The following ABCA13 variants were observed in gnomAD, a reference collection of about 807,000 sequenced individuals.
ABCA13 encodes the protein ATP-binding cassette sub-family A member 13.
Under a neutral mutation model 478.7 loss-of-function variants are expected in ABCA13, and 476 were observed. The observed-to-expected ratio is 0.99, with a 90% CI of 0.92 to 1.07. ABCA13 has a LOEUF of 1.07. Among genes scored for constraint, ABCA13 ranks in the 50% least tolerant of loss-of-function variants. The pLI is 0.00. For synonymous variants in ABCA13, 2,252 were observed against 2,158.9 expected, an observed-to-expected ratio of 1.04 and a Z score of -1.20; for missense variants, 6,060 against 5,910.6, an observed-to-expected ratio of 1.03 and a Z score of -0.83.
intron 58 of ABCA13, among the ~76,000 whole-genome samples, chr7:48,606,499 G>T (rs1791479071): frequency 1.3e-5 from 2 of 151,886 alleles, no homozygotes; most frequent in South Asian, 4.1e-4. Flanking sequence ...GCTGGAGTTT[G>T]CTGGAGATCC....
intron 7 of ABCA13, among the ~76,000 whole-genome samples, chr7:48,233,408 G>C (rs989731874): frequency 6.6e-6 from 1 of 152,106 alleles, no homozygotes; most frequent in Admixed American, 6.5e-5. Context: ...GTCATACCTT[G>C]GGGGTCTTCG....
At chr7:48,299,107 G>A (rs1799797993) in intron 23 of ABCA13, among the ~76,000 whole-genome samples, 1 of 152,160 alleles carries the variant, frequency 6.6e-6, no homozygotes, top group Non-Finnish European at 1.5e-5. Flanking sequence ...GACATCTCAT[G>A]TTTTCCACAG....
At chr7:48,523,523 G>A (rs1474899707) in intron 53 of ABCA13, among the ~76,000 whole-genome samples, 2 of 151,492 alleles carry the variant, frequency 1.3e-5, no homozygotes, top group Non-Finnish European at 1.5e-5. Flanking sequence ...AATTGATGTT[G>A]GTTATGATAC....
intron 15 of ABCA13, among the ~76,000 whole-genome samples, chr7:48,253,176 G>T (rs1171447659): frequency 6.6e-6 from 1 of 152,162 alleles, no homozygotes; most frequent in Non-Finnish European, 1.5e-5. Flanking sequence ...GCCGCCTGCA[G>T]GTCTGCAGAC....
chr7:48,375,088 C>T (rs1196960744), intron 34 of ABCA13, among the ~76,000 whole-genome samples: 1 of 152,166 alleles, frequency 6.6e-6, no homozygotes, highest in Non-Finnish European at 1.5e-5. Context: ...GCTCAGGGCT[C>T]CCCGTGATTC....
Position 48,272,531 on chromosome 7 carries a change from C to G in ABCA13, c.2865C>G (p.Asp955Glu), listed in dbSNP as rs1436060000. The change falls in exon 17 of 62, where the codon GAC becomes GAG. Residue 955 changes from aspartate (D) to glutamate (E), a missense_variant. Physicochemically the swap from Asp to Glu is conservative, Grantham distance 45. Transcript: ENST00000435803. ...ACATACACCTAAATGTCTTCCAGGA[C>G]AAGGATTCAGCTTTACTTCTGCAAA... is the stretch of plus-strand genomic sequence containing the variant. ...LTHIHLNVFQ[D>E]KDSALLLQIY... The G allele has an allele frequency of 6.2e-7, 1 of 1,613,762 alleles. No individual in the cohort carries two copies.
intron 27 of ABCA13, among the ~76,000 whole-genome samples, chr7:48,326,717 A>G (rs1428306069): frequency 2.0e-5 from 3 of 152,158 alleles, no homozygotes; most frequent in African/African-American, 7.2e-5. Context: ...TTTTTCTGTT[A>G]TATTTTACTG....
At chr7:48,286,469 T>A (rs1283540547) in intron 19 of ABCA13, among the ~76,000 whole-genome samples, 1 of 149,844 alleles carries the variant, frequency 6.7e-6, no homozygotes, top group Non-Finnish European at 1.5e-5. Flanking sequence ...CTTAGTAATA[T>A]GCTGGAACTG....
At chr7:48,350,054 G>A (rs1486842899) in intron 29 of ABCA13, among the ~76,000 whole-genome samples, 2 of 152,186 alleles carry the variant, frequency 1.3e-5, no homozygotes, top group East Asian at 3.8e-4. Context: ...AATGTTTGAT[G>A]TCAGCATTCA....
intron 61 of ABCA13, 72 bp from the exon 62 acceptor site, chr7:48,645,345 T>C (rs1454277438): frequency 4.1e-6 from 5 of 1,231,102 alleles, no homozygotes; most frequent in African/African-American, 1.5e-5. Context: ...TGAGACAATG[T>C]CTCCTTTCTA....
At chr7:48,423,260 C>T (rs1402380934) in intron 41 of ABCA13, among the ~76,000 whole-genome samples, 2 of 152,212 alleles carry the variant, frequency 1.3e-5, no homozygotes, top group African/African-American at 4.8e-5. Context: ...AAAAAACAAT[C>T]ACTTTGGGGA....
chr7:48,633,799 G>T (rs1336132454), intron 59 of ABCA13, among the ~76,000 whole-genome samples: 1 of 152,002 alleles, frequency 6.6e-6, no homozygotes, highest in African/African-American at 2.4e-5. Flanking sequence ...TGAGGCAGGA[G>T]AATCACCTTA....
At chr7:48,408,663 A>C (rs575013997) in intron 39 of ABCA13, among the ~76,000 whole-genome samples, 1 of 152,334 alleles carries the variant, frequency 6.6e-6, no homozygotes, top group South Asian at 2.1e-4. Context: ...TAATTGACAC[A>C]TGATAATTGC....
chr7:48,606,429 A>G (rs1791469826), intron 58 of ABCA13, among the ~76,000 whole-genome samples: 1 of 151,930 alleles, frequency 6.6e-6, no homozygotes, highest in Non-Finnish European at 1.5e-5. Flanking sequence ...TGATGTTGAT[A>G]CTATTCCTTT....
At chr7:48,259,718 GT>G (rs1793911364) in intron 15 of ABCA13, among the ~76,000 whole-genome samples, 1 of 89,892 alleles carries the variant, frequency 1.1e-5, no homozygotes, top group African/African-American at 7.1e-5. Context: ...ATATACTTAA[GT>G]GTTTTTTTTT....
intron 55 of ABCA13, among the ~76,000 whole-genome samples, chr7:48,554,668 T>C (rs1423798118): frequency 2.6e-5 from 4 of 151,850 alleles, no homozygotes; most frequent in Non-Finnish European, 5.9e-5. Context: ...TTTTGTATGT[T>C]GATTTTGTAT....
intron 25 of ABCA13, 82 bp from the exon 26 acceptor site, chr7:48,314,150 A>G (rs1802195447): frequency 3.5e-6 from 5 of 1,416,524 alleles, no homozygotes; most frequent in Non-Finnish European, 3.9e-6. Flanking sequence ...TCAGTGGAGG[A>G]AGGAACTAGA....
At chr7:48,292,622 G>A (rs1362079927) in intron 20 of ABCA13, among the ~76,000 whole-genome samples, 4 of 152,150 alleles carry the variant, frequency 2.6e-5, no homozygotes, top group African/African-American at 4.8e-5. Flanking sequence ...TCTCCACCTC[G>A]CTGGCTCCTT....
At chr7:48,458,027 A>C (rs1317917369) in intron 43 of ABCA13, among the ~76,000 whole-genome samples, 1 of 152,202 alleles carries the variant, frequency 6.6e-6, no homozygotes, top group Non-Finnish European at 1.5e-5. Context: ...TGCTCTTGTT[A>C]GGAATTCTCC....
Sources: gnomAD v4.1 joint callset for allele counts (sites outside exome capture counted in the v4.1 genomes callset) on GRCh38, gnomAD v4.1.1 for gene constraint, MANE v1.5 for transcripts, NCBI Gene and HGNC (gene_info 2026-07-23, HGNC 2026-07-21) for gene names.